Variants in FAM13B observed in about 807,000 individuals in gnomAD.
FAM13B encodes the protein family with sequence similarity 13 member B.
In FAM13B, 60 loss-of-function variants were observed where a neutral mutation model predicts 117.3. That is an observed-to-expected ratio of 0.51 (90% CI 0.42 to 0.63). The LOEUF is 0.63. Among genes scored for constraint, FAM13B ranks in the 30% least tolerant of loss-of-function variants. The pLI, the probability that FAM13B is intolerant of heterozygous loss-of-function variation, is 0.00. For synonymous variants in FAM13B, 332 were observed against 356.1 expected (o/e 0.93, Z 0.76); for missense variants, 972 against 1,091.9 (o/e 0.89, Z 1.55).
At chr5:137,978,624 T>C (rs1171049501) in intron 10 of FAM13B, among the ~76,000 whole-genome samples, 7 of 152,216 alleles carry the variant, frequency 4.6e-5, no homozygotes, top group South Asian at 2.1e-4. Context: ...TTTACCTCTC[T>C]ATTTTGACCA....
intron 10 of FAM13B, among the ~76,000 whole-genome samples, chr5:137,974,822 C>T (rs977349636): frequency 2.6e-5 from 4 of 152,024 alleles, no homozygotes; most frequent in African/African-American, 9.7e-5. Flanking sequence ...ACAAATCCAA[C>T]CTGTTGCCAG....
At chr5:138,021,711 G>A (rs1344188088) in intron 1 of FAM13B, among the ~76,000 whole-genome samples, 1 of 152,160 alleles carries the variant, frequency 6.6e-6, no homozygotes, top group African/African-American at 2.4e-5. Flanking sequence ...AGAGCAAAAA[G>A]AACAGTCCCA....
At chr5:137,964,841 C>T (rs1178364311) in intron 10 of FAM13B, among the ~76,000 whole-genome samples, 1 of 152,036 alleles carries the variant, frequency 6.6e-6, no homozygotes, top group Non-Finnish European at 1.5e-5. Context: ...AGAGTTACCA[C>T]AGAGAATCAA....
chr5:138,037,316 A>C (rs996684563), upstream of FAM13B: 4 of 152,852 alleles, frequency 2.6e-5, no homozygotes, highest in African/African-American at 9.7e-5. Context: ...GAAAACAAGC[A>C]TTCTATCCCA....
At chr5:137,995,696 C>T (rs982245753) in intron 7 of FAM13B, among the ~76,000 whole-genome samples, 7 of 152,090 alleles carry the variant, frequency 4.6e-5, no homozygotes, top group Admixed American at 3.9e-4. Flanking sequence ...ATACCTATGA[C>T]AAGAGTATAT....
At chr5:137,954,787 C>CT (rs1411929649) in intron 14 of FAM13B, among the ~76,000 whole-genome samples, 5 of 151,664 alleles carry the variant, frequency 3.3e-5, no homozygotes, top group Admixed American at 6.6e-5. Context: ...GACTAATTTT[C>CT]TTTTTTTTGT....
At chr5:137,987,133 T>C (rs1275789793) in intron 9 of FAM13B, among the ~76,000 whole-genome samples, 1 of 152,202 alleles carries the variant, frequency 6.6e-6, no homozygotes, top group African/African-American at 2.4e-5. Context: ...GATCACTCTG[T>C]TGCAGAGTCT....
chr5:137,953,227 C>CT, intron 16 of FAM13B, 109 bp downstream of exon 16: 1 of 1,207,436 alleles, frequency 8.3e-7, no homozygotes, highest in Non-Finnish European at 1.2e-6. Flanking sequence ...CTCCGGGTAT[C>CT]TCAGATTTGT....
Position 137,959,623 on chromosome 5 carries a change from T to C in FAM13B, c.1434A>G (p.Lys478=), listed in dbSNP as rs754565862. 1.2e-5 allele frequency: 20 copies of C among 1,613,678 alleles called. No homozygotes were observed. Among genetic ancestry groups the C allele is most frequent in the Non-Finnish European group, 1.7e-5 (20 of 1,179,780 alleles). Residue 478 remains lysine, a synonymous_variant, in exon 13 of 24, where the codon AAA becomes AAG. Transcript: ENST00000689681. ...GCGTGTGGGTAAAATTACCTTCCCA[T>C]TTATCACCATCAGAAACATTCTTCA... The part of the protein sequence containing the change: ...LDLKNVSDGD[K]WEASCPITFP...
chr5:137,978,614 T>TAG (rs1774723704), intron 10 of FAM13B, among the ~76,000 whole-genome samples: 1 of 152,178 alleles, frequency 6.6e-6, no homozygotes, highest in Non-Finnish European at 1.5e-5. Flanking sequence ...TTTTCCTCCT[T>TAG]TTACCTCTCT....
Position 137,952,689 on chromosome 5 carries a change from A to C in FAM13B, c.1869T>G (p.Ala623=). The C allele has an allele frequency of 6.2e-7, 1 of 1,605,974 alleles. No individual in the cohort carries two copies. The highest frequency in any genetic ancestry group is 2.2e-5 in the East Asian group (1 of 44,734). The change falls in exon 17 of 24, where the codon GCT becomes GCG. Residue 623 remains alanine, a synonymous_variant. Transcript: ENST00000689681. ...RNSKPSYSDI[A]ANPKVLKWMT... is the part of the protein sequence containing the mutation. ...TCCATTTTAATACCTTTGGATTGGCAGCAATATCACTGTAGGAGGGCTGAA... is the reference window on the plus strand; with the variant it reads ...TCCATTTTAATACCTTTGGATTGGCCGCAATATCACTGTAGGAGGGCTGAA...
chr5:138,011,783 C>G lies in FAM13B; in HGVS notation c.533G>C (p.Gly178Ala), dbSNP rs1287142148. The change falls in exon 5 of 24, where the codon GGT becomes GCT. Residue 178 changes from glycine to alanine, a missense_variant. Coordinates refer to ENST00000689681, the MANE Select transcript of FAM13B (RefSeq NM_001385994.1). ...WSANSLAAVF[G>A]PDVFHIYTDV... ...AACAACTTACTGGAAGACATCTGGA[C>G]CAAAGACAGCAGCCAAAGAATTTGC... 1.2e-6 allele frequency: 2 copies of G among 1,610,736 alleles called. No individual in the cohort carries two copies. Among genetic ancestry groups the G allele is most frequent in the Middle Eastern group, 1.7e-4 (1 of 6,056 alleles).
At chr5:138,052,149 G>T (rs528238944), upstream of FAM13B, among the ~76,000 whole-genome samples, 64 of 151,836 alleles carry the variant, frequency 4.2e-4, no homozygotes, top group Non-Finnish European at 8.5e-4. Context: ...AGTCAGCCAG[G>T]GTTTCCAGGC....
intron 6 of FAM13B, among the ~76,000 whole-genome samples, chr5:138,010,680 A>G (rs966844139): frequency 3.3e-5 from 5 of 152,154 alleles, no homozygotes; most frequent in Non-Finnish European, 7.3e-5. Flanking sequence ...CCCCTTGCCT[A>G]TATTCCTCTA....
intron 7 of FAM13B, among the ~76,000 whole-genome samples, chr5:137,995,642 CA>C (rs1333210932): frequency 7.9e-5 from 12 of 152,072 alleles, no homozygotes; most frequent in Non-Finnish European, 1.2e-4. Flanking sequence ...AAACCAAAAG[CA>C]AAAATCCTTT....
intron 10 of FAM13B, among the ~76,000 whole-genome samples, chr5:137,972,846 C>T (rs1051407277): frequency 2.3e-4 from 35 of 152,140 alleles, no homozygotes; most frequent in African/African-American, 8.2e-4. Context: ...CATGAGTGAA[C>T]TCCCATTCAC....
intron 10 of FAM13B, among the ~76,000 whole-genome samples, chr5:137,978,661 T>A (rs1461631406): frequency 1.3e-5 from 2 of 152,138 alleles, no homozygotes; most frequent in Non-Finnish European, 2.9e-5. Context: ...AAAAATCCCA[T>A]CCTCTTTGAC....
chr5:138,005,461 G>T (rs1581230266), intron 7 of FAM13B, among the ~76,000 whole-genome samples: 1 of 96,094 alleles, frequency 1.0e-5, no homozygotes, highest in African/African-American at 3.2e-5. Flanking sequence ...AACAACAAAG[G>T]TATTTTTTTT....
intron 7 of FAM13B, among the ~76,000 whole-genome samples, chr5:137,991,044 CAA>C (rs1778490494): frequency 6.6e-6 from 1 of 152,032 alleles, no homozygotes; most frequent in Non-Finnish European, 1.5e-5. Context: ...ATCCTAGATA[CAA>C]AAGGGGAGGA....
Sources: gnomAD v4.1 joint callset for allele counts (sites outside exome capture counted in the v4.1 genomes callset) on GRCh38, gnomAD v4.1.1 for gene constraint, MANE v1.5 for transcripts, NCBI Gene and HGNC (gene_info 2026-07-23, HGNC 2026-07-21) for gene names.